Variants in LEPR observed in about 807,000 individuals in gnomAD.
The protein encoded by LEPR is OB receptor.
Under a neutral mutation model 114.7 loss-of-function variants are expected in LEPR, and 56 were observed. The ratio of observed to expected loss-of-function variants is 0.49; its 90% CI spans 0.39 to 0.61. The LOEUF is 0.61. Ranked by LOEUF, LEPR falls within the 20% of genes least tolerant of loss-of-function variation. LEPR has a pLI of 0.00. For missense variants in LEPR, 1,202 were observed against 1,352.9 expected (o/e 0.89, Z 1.75); for synonymous variants, 443 against 461.4 (o/e 0.96, Z 0.51).
rs774281808 is a variant in LEPR, at chr1:65,601,467, A to G, written c.1070A>G (p.Glu357Gly). 1.2e-6 allele frequency: 2 copies of G among 1,613,774 alleles called. No individual in the cohort carries two copies. Among genetic ancestry groups the G allele is most frequent in the Non-Finnish European group, 1.7e-6 (2 of 1,179,728 alleles). Residue 357 changes from glutamate to glycine, a missense_variant, in exon 9 of 20, where the codon GAA becomes GGA. Transcript: ENST00000349533. ...NVSFHCIYKK[E>G]NKIVPSKEIV... ...TCTTTTCACTGCATCTATAAGAAGG[A>G]AAACAAGATTGTTCCCTCAAAAGAG... is the stretch of plus-strand genomic sequence containing the variant.
intron 2 of LEPR, among the ~76,000 whole-genome samples, chr1:65,436,578 G>A (rs575871163): frequency 1.3e-5 from 2 of 152,240 alleles, no homozygotes; most frequent in South Asian, 4.1e-4. Flanking sequence ...CATAAGAAAA[G>A]TCAGTTCCCA....
chr1:65,482,934 G>A (rs771246693), intron 2 of LEPR, among the ~76,000 whole-genome samples: 1 of 151,062 alleles, frequency 6.6e-6, no homozygotes, highest in Non-Finnish European at 1.5e-5. Context: ...GTTGCAGTGA[G>A]CCGAGATTGT....
intron 5 of LEPR, among the ~76,000 whole-genome samples, chr1:65,586,744 T>C (rs918829675): frequency 6.6e-6 from 1 of 152,014 alleles, no homozygotes; most frequent in African/African-American, 2.4e-5. Context: ...CATTTTGAAA[T>C]TAGTTTTAGA....
chr1:65,540,642 T>A (rs1382670536), intron 2 of LEPR, among the ~76,000 whole-genome samples: 2 of 152,226 alleles, frequency 1.3e-5, no homozygotes, highest in Non-Finnish European at 2.9e-5. Flanking sequence ...AAAACACTTT[T>A]CTTTATAAAT....
Position 65,507,243 on chromosome 1 carries a change from A to G in LEPR, c.-20-58303A>G, listed in dbSNP as rs1570577923. Among the ~76,000 whole-genome samples, 3 of 151,640 alleles carry G rather than the reference A, an allele frequency of 2.0e-5. No individual in the cohort carries two copies. The South Asian group carries it at 6.2e-4, about 32-fold the overall frequency. On this transcript the variant is annotated intron_variant, in intron 2 of 19. Transcript: ENST00000349533. ...TTTTTGTACTTTTAGTAGAGACGGG[A>G]TTTCACCATCTTGGCCAGGGTAGTC...
At chr1:65,532,303 C>A (rs2100624768) in intron 2 of LEPR, among the ~76,000 whole-genome samples, 1 of 152,266 alleles carries the variant, frequency 6.6e-6, no homozygotes, top group South Asian at 2.1e-4. Flanking sequence ...GTAACTGTAA[C>A]AATCTGGAAC....
Position 65,488,210 on chromosome 1 carries a change from TTCTC to T in LEPR, c.-21+62848_-21+62851del, listed in dbSNP as rs796597694. Among the ~76,000 whole-genome samples the T allele has an allele frequency of 1.3e-3, 33 of 25,868 alleles. 2 individuals are homozygous for T. The highest frequency in any genetic ancestry group is 2.3e-3 in the African/African-American group (13 of 5,592). The allele number at this position is 25,868 out of a possible 152,430, so 17.0% of individuals were successfully genotyped here. A position where few individuals can be genotyped will look rare whatever the true frequency, so the allele number is the denominator to read the frequency against. ...TTTCTTTCTTTCTTTCTTTCTTTCT[TTCTC>T]TCTCTCTCTCTCTCTTTCTTTCTTT... On this transcript the variant is annotated intron_variant, in intron 2 of 19. Coordinates refer to ENST00000349533, the MANE Select transcript of LEPR (RefSeq NM_002303.6).
chr1:65,624,483 T>C (rs1457714676), intron 19 of LEPR, among the ~76,000 whole-genome samples: 1 of 152,144 alleles, frequency 6.6e-6, no homozygotes, highest in South Asian at 2.1e-4. Flanking sequence ...GGCTTCTTTT[T>C]CTTTCTTTCT....
intron 2 of LEPR, among the ~76,000 whole-genome samples, chr1:65,441,496 C>T (rs1300055683): frequency 1.3e-5 from 2 of 152,116 alleles, no homozygotes; most frequent in South Asian, 4.1e-4. Context: ...TATAGTGGAG[C>T]AGGGGGAAAG....
At chr1:65,450,031 G>C (rs1041763485) in intron 2 of LEPR, among the ~76,000 whole-genome samples, 2 of 152,086 alleles carry the variant, frequency 1.3e-5, no homozygotes, top group Non-Finnish European at 2.9e-5. Flanking sequence ...TTTGAAGTGT[G>C]TTGTTTAATC....
At chr1:65,443,899 T>C (rs1646680257) in intron 2 of LEPR, among the ~76,000 whole-genome samples, 1 of 151,960 alleles carries the variant, frequency 6.6e-6, no homozygotes, top group African/African-American at 2.4e-5. Flanking sequence ...GGTCCACCTA[T>C]CTGGATCAGG....
intron 2 of LEPR, among the ~76,000 whole-genome samples, chr1:65,426,590 G>A (rs1646376264): frequency 6.6e-6 from 1 of 152,114 alleles, no homozygotes. Context: ...GAAAAGGAGA[G>A]TGAGTTAGGA....
chr1:65,454,384 T>C (rs1646836745), intron 2 of LEPR, among the ~76,000 whole-genome samples: 1 of 152,214 alleles, frequency 6.6e-6, no homozygotes, highest in Admixed American at 6.5e-5. Flanking sequence ...GTCTCGATGG[T>C]CTTTACATTT....
chr1:65,483,528 A>G (rs977228795), intron 2 of LEPR, among the ~76,000 whole-genome samples: 6 of 152,144 alleles, frequency 3.9e-5, no homozygotes, highest in African/African-American at 1.4e-4. Context: ...CTTGTGTGGC[A>G]TCAGCCTGTG....
At chr1:65,630,622 T>C (rs983312178) in intron 19 of LEPR, among the ~76,000 whole-genome samples, 1 of 152,172 alleles carries the variant, frequency 6.6e-6, no homozygotes, top group Non-Finnish European at 1.5e-5. Flanking sequence ...AGAATCTGTA[T>C]GTTGGATGAT....
chr1:65,491,844 T>G (rs561419116), intron 2 of LEPR, among the ~76,000 whole-genome samples: 1 of 152,236 alleles, frequency 6.6e-6, no homozygotes, highest in South Asian at 2.1e-4. Context: ...TTTCTAAAAT[T>G]GTGAGATGAG....
At chr1:65,464,841 G>T (rs943394998) in intron 2 of LEPR, among the ~76,000 whole-genome samples, 1 of 152,190 alleles carries the variant, frequency 6.6e-6, no homozygotes, top group East Asian at 1.9e-4. Context: ...TTCTCTGATG[G>T]TAGTTTGTAT....
At chr1:65,601,753 G>A in intron 9 of LEPR, 71 bp downstream of exon 9, 1 of 1,605,986 alleles carries the variant, frequency 6.2e-7, no homozygotes, top group South Asian at 1.1e-5. Context: ...CCTTATATTA[G>A]AGTCCTGTTA....
intron 2 of LEPR, among the ~76,000 whole-genome samples, chr1:65,510,691 C>A (rs960868021): frequency 2.6e-5 from 4 of 152,100 alleles, no homozygotes; most frequent in African/African-American, 9.7e-5. Flanking sequence ...TGAATTCAGG[C>A]TCTGAAGATT....
Sources: allele counts gnomAD v4.1 joint callset (sites outside exome capture counted in the v4.1 genomes callset), GRCh38; gene constraint gnomAD v4.1.1; transcripts MANE v1.5; gene names NCBI Gene and HGNC (gene_info 2026-07-23, HGNC 2026-07-21).